CELF4: variants seen among roughly 807,000 people sequenced by gnomAD.
CELF4 encodes the protein CUGBP Elav-like family member 4.
A neutral mutation model predicts 59.9 loss-of-function variants in CELF4; 18 were observed. The ratio of observed to expected loss-of-function variants is 0.30; its 90% confidence interval spans 0.21 to 0.45. The LOEUF is 0.45. CELF4 is among the 20% of genes least tolerant of loss of function. The pLI is 1.00. For synonymous variants in CELF4, 261 were observed against 267.1 expected, an observed-to-expected ratio of 0.98 and a Z score of 0.22; for missense variants, 456 against 689.0, an observed-to-expected ratio of 0.66 and a Z score of 3.79.
chr18:37,521,087 A>G (rs2099956856), intron 1 of CELF4, among the ~76,000 whole-genome samples: 1 of 149,764 alleles, frequency 6.7e-6, no homozygotes, highest in Admixed American at 6.7e-5. Flanking sequence ...GGGTTGGGGG[A>G]CAGACATATA....
chr18:37,314,819 G>A (rs72883685), intron 3 of CELF4, among the ~76,000 whole-genome samples: 8,205 of 152,214 alleles, frequency 0.054, 298 homozygotes, highest in Middle Eastern at 0.11. Flanking sequence ...GTTCTCAGCT[G>A]CCTGCTTTGC....
intron 2 of CELF4, among the ~76,000 whole-genome samples, chr18:37,472,622 T>A (rs2099836657): frequency 6.6e-6 from 1 of 152,222 alleles, no homozygotes; most frequent in Non-Finnish European, 1.5e-5. Flanking sequence ...ATGAGAAAAC[T>A]GAGGCACAGA....
intron 3 of CELF4, among the ~76,000 whole-genome samples, chr18:37,289,715 T>C (rs2095185538): frequency 6.6e-6 from 1 of 152,164 alleles, no homozygotes; most frequent in Admixed American, 6.5e-5. Flanking sequence ...GTTTGATAGA[T>C]GAGTTAACTG....
intron 2 of CELF4, among the ~76,000 whole-genome samples, chr18:37,372,669 A>G (rs2098915212): frequency 6.6e-6 from 1 of 152,178 alleles, no homozygotes; most frequent in African/African-American, 2.4e-5. Flanking sequence ...AAAAATAACC[A>G]TATATTTTCA....
chr18:37,493,280 G>A (rs934662517), intron 1 of CELF4, among the ~76,000 whole-genome samples: 7 of 152,150 alleles, frequency 4.6e-5, no homozygotes, highest in African/African-American at 1.7e-4. Flanking sequence ...CTTCCTCCAG[G>A]AAGCCTTCCC....
At chr18:37,317,408 C>T (rs536931246) in intron 3 of CELF4, among the ~76,000 whole-genome samples, 2 of 152,272 alleles carry the variant, frequency 1.3e-5, no homozygotes, top group Non-Finnish European at 2.9e-5. Flanking sequence ...CAAAACAAAA[C>T]CATATTTCCA....
intron 2 of CELF4, among the ~76,000 whole-genome samples, chr18:37,415,540 C>A (rs570664797): frequency 6.6e-6 from 1 of 152,276 alleles, no homozygotes; most frequent in South Asian, 2.1e-4. Flanking sequence ...TTTTTCCCCC[C>A]AATGATGGGA....
intron 9 of CELF4, among the ~76,000 whole-genome samples, chr18:37,265,055 T>C (rs1222195312): frequency 6.7e-6 from 1 of 148,572 alleles, no homozygotes; most frequent in Non-Finnish European, 1.5e-5. Context: ...ATTACATGTG[T>C]ACATGCAAGT....
chr18:37,255,130 C>T (rs536274144), intron 11 of CELF4, among the ~76,000 whole-genome samples: 1 of 152,232 alleles, frequency 6.6e-6, no homozygotes, highest in Middle Eastern at 3.4e-3. Flanking sequence ...GAAAGCTTGG[C>T]GAGATACTGA....
At chr18:37,442,256 C>T (rs2099732363) in intron 2 of CELF4, among the ~76,000 whole-genome samples, 1 of 152,142 alleles carries the variant, frequency 6.6e-6, no homozygotes, top group Admixed American at 6.5e-5. Context: ...CCCATGCCTC[C>T]AGGCCCACAT....
chr18:37,297,320 G>C (rs772532512), intron 3 of CELF4, among the ~76,000 whole-genome samples: 2 of 152,202 alleles, frequency 1.3e-5, no homozygotes, highest in African/African-American at 4.8e-5. Context: ...TTTGGGGTAA[G>C]CATTGCTGTC....
intron 1 of CELF4, among the ~76,000 whole-genome samples, chr18:37,533,265 G>C (rs1422897337): frequency 6.6e-6 from 1 of 152,222 alleles, no homozygotes; most frequent in Admixed American, 6.5e-5. Flanking sequence ...CCCTGAGTGT[G>C]AGTAGGGAAC....
At chr18:37,289,106 G>A (rs1662925) in intron 3 of CELF4, among the ~76,000 whole-genome samples, 53,032 of 151,828 alleles carry the variant, frequency 0.35, 11,452 homozygotes, top group African/African-American at 0.59. Flanking sequence ...CAAGAAAAGT[G>A]CTTCCAAATT....
chr18:37,383,685 G>A (rs1396285335), intron 2 of CELF4, among the ~76,000 whole-genome samples: 1 of 152,182 alleles, frequency 6.6e-6, no homozygotes, highest in African/African-American at 2.4e-5. Context: ...TGATTCCCAT[G>A]ATAGTCTTGT....
chr18:37,282,871 C>T (rs1361612369), intron 3 of CELF4, among the ~76,000 whole-genome samples: 1 of 152,190 alleles, frequency 6.6e-6, no homozygotes, highest in Non-Finnish European at 1.5e-5. Flanking sequence ...TACACACTCC[C>T]CTTCCCTCCA....
chr18:37,338,354 C>G (rs2097853812), intron 2 of CELF4, among the ~76,000 whole-genome samples: 1 of 143,980 alleles, frequency 6.9e-6, no homozygotes, highest in African/African-American at 2.8e-5. Flanking sequence ...CTGCCACCAT[C>G]TGTTACCTTA....
intron 1 of CELF4, among the ~76,000 whole-genome samples, chr18:37,541,711 C>T (rs962268315): frequency 6.6e-6 from 1 of 152,040 alleles, no homozygotes; most frequent in Non-Finnish European, 1.5e-5. Flanking sequence ...CCTCCTGTCT[C>T]TTGAACACAC....
rs2099930497 is a variant in CELF4 at position 37,500,545 on chromosome 18, T to G, written c.287-14938A>C. On this transcript the variant is annotated intron_variant, in intron 1 of 12. Transcript: ENST00000420428. ...TCTTTTCTTTTCTTTTTCTTTTTTT[T>G]TTTTTTGAGACAGAGTCTCACTTTG... Among the ~76,000 whole-genome samples the G allele has an allele frequency of 2.7e-5, 4 of 150,654 alleles. No homozygotes were observed. In the South Asian group the frequency reaches 6.3e-4, roughly 24 times the overall value.
chr18:37,537,307 A>C (rs1217897229), intron 1 of CELF4, among the ~76,000 whole-genome samples: 1 of 152,144 alleles, frequency 6.6e-6, no homozygotes, highest in Non-Finnish European at 1.5e-5. Flanking sequence ...GAGTTTGGGA[A>C]ATCGCACCCA....
Sources: gnomAD v4.1 joint callset for allele counts (sites outside exome capture counted in the v4.1 genomes callset) on GRCh38, gnomAD v4.1.1 for gene constraint, MANE v1.5 for transcripts, NCBI Gene and HGNC (gene_info 2026-07-23, HGNC 2026-07-21) for gene names.